PLCD3: variants seen among roughly 807,000 people sequenced by gnomAD.
The protein encoded by PLCD3 is phospholipase C delta 3, also known as 1-phosphatidylinositol 4,5-bisphosphate phosphodiesterase delta-3.
Under a neutral mutation model 82.8 loss-of-function variants are expected in PLCD3, and 62 were observed. The observed-to-expected ratio is 0.75, with a 90% CI of 0.61 to 0.93. The LOEUF (loss-of-function observed/expected upper bound fraction) is 0.93, where lower values mean the gene tolerates loss of function less well. Among genes scored for constraint, PLCD3 ranks in the 40% least tolerant of loss-of-function variants. The pLI is 0.00. For missense variants in PLCD3, 1,023 were observed against 1,103.4 expected (o/e 0.93, Z 1.03); for synonymous variants, 478 against 471.8 (o/e 1.01, Z -0.17).
In PLCD3 at chr17:45,125,437, A is replaced by G. The variant is rs898412629; in HGVS notation, c.164-4065T>C. ...AACATGGTGAAACCCCGTCTCTACT[A>G]AAAATAGAAAACAGCCGAGCATGGT... On this transcript the variant is annotated intron_variant, in intron 1 of 14. Transcript: ENST00000619929. Among the ~76,000 whole-genome samples, 7 of 152,306 alleles carry G rather than the reference A, an allele frequency of 4.6e-5. No individual in the cohort carries two copies. In the South Asian group the frequency reaches 1.5e-3, roughly 32 times the overall value.
intron 1 of PLCD3, among the ~76,000 whole-genome samples, chr17:45,130,490 C>T (rs1340860761): frequency 6.6e-6 from 1 of 152,148 alleles, no homozygotes; most frequent in Non-Finnish European, 1.5e-5. Context: ...CCGCGGCACC[C>T]GTGACCCTGC....
intron 1 of PLCD3, among the ~76,000 whole-genome samples, chr17:45,123,859 C>T (rs377735307): frequency 5.9e-5 from 9 of 152,160 alleles, no homozygotes; most frequent in Admixed American, 2.6e-4. Flanking sequence ...AATGCCCACT[C>T]GGTACCCCCT....
chr17:45,131,457 TACCAGGGCCCATGTGGTGGGGC>T (rs1271070379), intron 1 of PLCD3, among the ~76,000 whole-genome samples: 4 of 152,214 alleles, frequency 2.6e-5, no homozygotes, highest in Admixed American at 2.6e-4. Context: ...TCTGAGAGGG[TACCAGGGCCCATGTGGTGGGGC>T]ACCACCGGGG....
chr17:45,113,947 C>G (rs1241378459), intron 11 of PLCD3, among the ~76,000 whole-genome samples: 1 of 152,084 alleles, frequency 6.6e-6, no homozygotes, highest in Admixed American at 6.5e-5. Flanking sequence ...GCTCAGCGTC[C>G]CCCAGAGCCC....
In PLCD3 at chr17:45,119,004, C is replaced by G; in HGVS notation, c.724G>C (p.Glu242Gln). The G allele has an allele frequency of 6.2e-7, 1 of 1,612,284 alleles. No individual in the cohort carries two copies. Among genetic ancestry groups the G allele is most frequent in the Non-Finnish European group, 8.5e-7 (1 of 1,179,574 alleles). The change falls in exon 5 of 15, where the codon GAG becomes CAG. Residue 242 changes from glutamate (E) to glutamine (Q), a missense_variant. Glu to Gln is a conservative substitution (Grantham distance 29, BLOSUM62 2). This residue lies in a region of PLCD3 where 448 missense variants were observed against 406.3 expected (regional missense o/e 1.10). Coordinates refer to ENST00000619929, the MANE Select transcript of PLCD3 (RefSeq NM_133373.5). ...AGCCGCCGCAGGAACTCCTCGATCT[C>G]AGCCCCCTCTAGACGGTCGTTGTTG... ...HSNNDRLEGA[E>Q]IEEFLRRLLK...
chr17:45,126,300 C>T (rs1217536831), intron 1 of PLCD3, among the ~76,000 whole-genome samples: 3 of 151,050 alleles, frequency 2.0e-5, no homozygotes, highest in African/African-American at 7.3e-5. Context: ...CCCACCTCAG[C>T]CTCCCAAAGT....
chr17:45,132,213 C>T lies in PLCD3; in HGVS notation c.163+35G>A. The T allele has an allele frequency of 9.6e-6, 12 of 1,249,472 alleles. No homozygotes were observed. The highest frequency in any genetic ancestry group is 1.2e-5 in the Non-Finnish European group (12 of 996,408). The allele number at this position is 1,249,472 out of a possible 1,614,324, so 77.4% of individuals were successfully genotyped here. A position where few individuals can be genotyped will look rare whatever the true frequency, so the allele number is the denominator to read the frequency against. ...CCAGACTGGGCCTCTGGGAACGGTC[C>T]GCGCCCACCCCACCGCCCCTTGCCC... On this transcript the variant is annotated intron_variant, in intron 1 of 14. Transcript: ENST00000619929. The surrounding 1 kb of genome is among the most constrained non-coding windows in gnomAD (Gnocchi z 4.6).
intron 1 of PLCD3, 124 bp from the exon 2 acceptor site, chr17:45,121,496 A>G: frequency 8.5e-7 from 1 of 1,174,452 alleles, no homozygotes; most frequent in Non-Finnish European, 1.1e-6. Context: ...ATCCCACAGT[A>G]AGCTTCCCTC....
intron 4 of PLCD3, 61 bp downstream of exon 4, chr17:45,120,264 G>C (rs2054325319): frequency 6.2e-7 from 1 of 1,606,782 alleles, no homozygotes; most frequent in Non-Finnish European, 8.5e-7. Context: ...AGATGGCTGG[G>C]GGCAGGCAGA....
chr17:45,120,877 C>T, intron 3 of PLCD3, 25 bp downstream of exon 3: 1 of 1,413,238 alleles, frequency 7.1e-7, no homozygotes, highest in African/African-American at 1.5e-5. Context: ...GGATGGGGCC[C>T]TCCCTCCCAG....
intron 1 of PLCD3, among the ~76,000 whole-genome samples, chr17:45,128,209 A>G (rs2054395856): frequency 6.6e-6 from 1 of 152,120 alleles, no homozygotes. Flanking sequence ...GAGAATCAAC[A>G]AAGTCAGGAA....
Position 45,118,694 on chromosome 17 carries a change from A to G in PLCD3, c.913+121T>C. 8.7e-6 allele frequency: 10 copies of G among 1,152,100 alleles called. No individual in the cohort carries two copies. Among genetic ancestry groups the G allele is most frequent in the Non-Finnish European group, 1.2e-5 (10 of 826,474 alleles). 71.4% of individuals were successfully genotyped at this position (1,152,100 alleles called of 1,614,324 possible). On this transcript the variant is annotated intron_variant, in intron 5 of 14. Transcript: ENST00000619929. The surrounding 1 kb of genome is among the most constrained non-coding windows in gnomAD (Gnocchi z 4.1). ...TGCCATTTTACACATGTGGAAGCTG[A>G]GTCTGGAGGAGGTGAGGTAACCTGC... is the stretch of plus-strand genomic sequence containing the variant.
chr17:45,122,568 A>G (rs1437161968), intron 1 of PLCD3, among the ~76,000 whole-genome samples: 1 of 152,134 alleles, frequency 6.6e-6, no homozygotes, highest in Non-Finnish European at 1.5e-5. Context: ...AAGTCTCAAC[A>G]CTGTCACTTC....
chr17:45,113,595 G>T lies in PLCD3; in HGVS notation c.1839C>A (p.Asn613Lys). The T allele has an allele frequency of 6.4e-7, 1 of 1,555,458 alleles. No individual in the cohort carries two copies. The highest frequency in any genetic ancestry group is 8.7e-7 in the Non-Finnish European group (1 of 1,149,334). ...WNSGCQLVAL[N>K]FQTPGYEMDL... ...CCATCTCGTAGCCTGGCGTCTGGAA[G>T]TTCAAGGCCACTGTGGACACAGCAG... The change falls in exon 12 of 15, where the codon AAC (asparagine) becomes AAA (lysine). Residue 613 changes from asparagine (N) to lysine (K), a missense_variant. By Grantham distance (94) the Asn-to-Lys change is moderately conservative. Coordinates refer to ENST00000619929, the MANE Select transcript of PLCD3 (RefSeq NM_133373.5).
intron 1 of PLCD3, among the ~76,000 whole-genome samples, chr17:45,130,123 CGGA>C: frequency 6.6e-6 from 1 of 152,130 alleles, no homozygotes; most frequent in Non-Finnish European, 1.5e-5. Flanking sequence ...CCAACAGACT[CGGA>C]CTCAACATTC....
chr17:45,111,694 C>G lies in PLCD3; in HGVS notation c.*922G>C, dbSNP rs1401945078. 6.6e-6 allele frequency: 1 copy of G among 152,238 alleles called. No individual in the cohort carries two copies. The highest frequency in any genetic ancestry group is 2.4e-5 in the African/African-American group (1 of 41,406). The allele number at this position is 152,238 out of a possible 1,614,324, so 9.4% of individuals were successfully genotyped here. A position where few individuals can be genotyped will look rare whatever the true frequency, so the allele number is the denominator to read the frequency against. ...ATTTTTTAAACTAGATAGGCTCATT[C>G]TACTGTCTTCTCCAGGGCTCTTCTA... On this transcript the variant is annotated 3_prime_UTR_variant, in exon 15 of 15. Transcript: ENST00000619929.
intron 4 of PLCD3, among the ~76,000 whole-genome samples, 156 bp downstream of exon 4, chr17:45,120,169 T>C (rs1038430471): frequency 1.5e-4 from 23 of 152,244 alleles, no homozygotes; most frequent in African/African-American, 5.3e-4. Context: ...AAAGGCTAAC[T>C]AACCCCAGAT....
chr17:45,119,047 G>A lies in PLCD3; in HGVS notation c.685-4C>T, dbSNP rs61479542. The A allele has an allele frequency of 3.5e-4, 557 of 1,595,560 alleles. 3 individuals carry two copies. The African/African-American group carries it at 6.5e-3, about 19-fold the overall frequency. On this transcript the variant is annotated splice_region_variant and splice_polypyrimidine_tract_variant and intron_variant, in intron 4 of 14. Coordinates refer to ENST00000619929, the MANE Select transcript of PLCD3 (RefSeq NM_133373.5). ...CGTTGTTGGAGTGGTCACACTCCTG[G>A]GGAGCAGCAGGAGAAGCTCAGAGGA...
intron 1 of PLCD3, among the ~76,000 whole-genome samples, chr17:45,130,024 C>T (rs2054408061): frequency 6.6e-6 from 1 of 152,200 alleles, no homozygotes; most frequent in South Asian, 2.1e-4. Context: ...AGGCCTTGGC[C>T]TCTGATGGCC....
Sources: gnomAD v4.1 joint callset for allele counts (sites outside exome capture counted in the v4.1 genomes callset) on GRCh38, gnomAD v4.1.1 for gene constraint, gnomAD v4.1.1 regional missense constraint, Gnocchi (gnomAD v3.1) non-coding constraint, MANE v1.5 for transcripts, NCBI Gene and HGNC (gene_info 2026-07-23, HGNC 2026-07-21) for gene names.